The following CHAT variants were observed in gnomAD, a reference collection of about 807,000 sequenced individuals.
CHAT encodes the protein acetyl CoA:choline O-acetyltransferase.
Under a neutral mutation model 76.9 loss-of-function variants are expected in CHAT, and 61 were observed. That is an observed-to-expected ratio of 0.79 (90% confidence interval 0.65 to 0.98). The LOEUF (loss-of-function observed/expected upper bound fraction) is 0.98. Ranked by LOEUF, CHAT falls within the 50% of genes least tolerant of loss-of-function variation. CHAT has a pLI of 0.00. For missense variants in CHAT, 946 were observed against 986.9 expected, an observed-to-expected ratio of 0.96 and a Z score of 0.56; for synonymous variants, 407 against 397.4, an observed-to-expected ratio of 1.02 and a Z score of -0.29.
At chr10:49,610,751 C>T, upstream of CHAT, 2 of 1,525,100 alleles carry the variant, frequency 1.3e-6, no homozygotes, top group East Asian at 2.4e-5. Flanking sequence ...ATGGAATCCG[C>T]GGAACCTGCG....
chr10:49,653,882 G>T (rs1405652629), intron 11 of CHAT, among the ~76,000 whole-genome samples: 1 of 152,250 alleles, frequency 6.6e-6, no homozygotes, highest in Non-Finnish European at 1.5e-5. Context: ...AGCTGAGGGG[G>T]ACAGTGCAGC....
intron 12 of CHAT, 63 bp downstream of exon 12, chr10:49,655,299 T>G: frequency 6.2e-7 from 1 of 1,613,568 alleles, no homozygotes; most frequent in South Asian, 1.1e-5. Flanking sequence ...TGCCCTGGGT[T>G]GCAGTGGGCT....
At chr10:49,649,978 T>G (rs1262394924) in intron 10 of CHAT, among the ~76,000 whole-genome samples, 1 of 149,196 alleles carries the variant, frequency 6.7e-6, no homozygotes, top group Non-Finnish European at 1.5e-5. Context: ...TTTGAATAGG[T>G]CATTTGAATT....
At chr10:49,611,472 C>T, upstream of CHAT, 1 of 1,599,398 alleles carries the variant, frequency 6.3e-7, no homozygotes, top group South Asian at 1.1e-5. Context: ...AGCGCGTGCC[C>T]TTCTTGGTGC....
chr10:49,650,931 G>A (rs116750335), intron 10 of CHAT, among the ~76,000 whole-genome samples: 130 of 152,248 alleles, frequency 8.5e-4, no homozygotes, highest in African/African-American at 3.1e-3. Context: ...GTGGGCTGCT[G>A]AGTCCTCAGT....
intron 7 of CHAT, among the ~76,000 whole-genome samples, chr10:49,634,721 G>A (rs1319402499): frequency 6.6e-6 from 1 of 151,990 alleles, no homozygotes; most frequent in African/African-American, 2.4e-5. Context: ...TTTTGTTTTT[G>A]TTTTTGTTTT....
At chr10:49,635,720 A>T (rs571855536) in intron 7 of CHAT, among the ~76,000 whole-genome samples, 1 of 152,326 alleles carries the variant, frequency 6.6e-6, no homozygotes, top group South Asian at 2.1e-4. Flanking sequence ...ATTTGGCAAA[A>T]TTCAACAACC....
intron 1 of CHAT, among the ~76,000 whole-genome samples, chr10:49,615,341 A>C (rs1306046382): frequency 1.3e-5 from 2 of 152,320 alleles, no homozygotes; most frequent in Non-Finnish European, 2.9e-5. Context: ...AACCCACAGC[A>C]CTGGGAGGCG....
At chr10:49,615,397 G>A (rs910194382) in intron 1 of CHAT, among the ~76,000 whole-genome samples, 2 of 152,306 alleles carry the variant, frequency 1.3e-5, no homozygotes, top group Non-Finnish European at 2.9e-5. Flanking sequence ...GCCAGCAAGG[G>A]CTTTACATTC....
rs751100162 is a variant in CHAT at position 49,655,443 on chromosome 10, G to C, written c.1834G>C (p.Val612Leu). ...CATCCGTGCCCAGACTGCATACACAGTCATGGTGAGTGACGTCGCACCACC... is the reference window on the plus strand; with the variant it reads ...CATCCGTGCCCAGACTGCATACACACTCATGGTGAGTGACGTCGCACCACC... ...DAIRAQTAYT[V>L]MAITGMAIDN... is the part of the protein sequence containing the mutation. The change falls in exon 13 of 15, where the codon GTC becomes CTC. Residue 612 changes from valine (V) to leucine (L), a missense_variant. Val to Leu is a conservative substitution (Grantham distance 32). Transcript: ENST00000337653. 3.7e-6 allele frequency: 6 copies of C among 1,613,872 alleles called. No homozygotes were observed. The highest frequency in any genetic ancestry group is 5.1e-6 in the Non-Finnish European group (6 of 1,179,860).
chr10:49,648,128 G>C, intron 8 of CHAT: 1 of 333,602 alleles, frequency 3.0e-6, no homozygotes, highest in South Asian at 3.0e-5. Flanking sequence ...CAAGGCAAGA[G>C]ATTGGGAGGA....
chr10:49,612,181 G>C (rs144340824), upstream of CHAT: 6 of 1,609,870 alleles, frequency 3.7e-6, no homozygotes, highest in African/African-American at 2.7e-5. Context: ...CTCCCGTTCC[G>C]AGCGCGATGT....
upstream of CHAT, chr10:49,611,420 T>G (rs758934192): frequency 2.6e-5 from 41 of 1,597,724 alleles, no homozygotes; most frequent in Non-Finnish European, 3.2e-5. Flanking sequence ...GGAAGCCTAG[T>G]GGCCCCGCCC....
At chr10:49,663,195 A>C (rs968854910) in intron 14 of CHAT, among the ~76,000 whole-genome samples, 1 of 152,164 alleles carries the variant, frequency 6.6e-6, no homozygotes, top group Non-Finnish European at 1.5e-5. Context: ...GCACCACTGC[A>C]TTCCAGCCCA....
chr10:49,617,749 G>A (rs149115502), intron 2 of CHAT, among the ~76,000 whole-genome samples: 2 of 152,124 alleles, frequency 1.3e-5, no homozygotes, highest in African/African-American at 4.8e-5. Flanking sequence ...CCCCCCCACC[G>A]CAAGAGATGG....
chr10:49,635,877 A>G (rs1367695658), intron 7 of CHAT, among the ~76,000 whole-genome samples: 1 of 152,204 alleles, frequency 6.6e-6, no homozygotes, highest in South Asian at 2.1e-4. Flanking sequence ...ATAAGAGGAT[A>G]CCTACTCTTA....
chr10:49,646,726 AGT>A (rs1181296709), intron 8 of CHAT, 52 bp downstream of exon 8: 1 of 1,596,208 alleles, frequency 6.3e-7, no homozygotes, highest in Non-Finnish European at 8.6e-7. Flanking sequence ...CCAGCGAGAG[AGT>A]GAGTAGGCAA....
At chr10:49,654,544 G>A (rs1015086321) in intron 11 of CHAT, among the ~76,000 whole-genome samples, 2 of 152,266 alleles carry the variant, frequency 1.3e-5, no homozygotes, top group Admixed American at 6.5e-5. Context: ...AGCCACTGCT[G>A]CTCAGGACAC....
At chr10:49,610,300 CGGA>C (rs1838254842), upstream of CHAT, 1 of 163,846 alleles carries the variant, frequency 6.1e-6, no homozygotes, top group Non-Finnish European at 1.3e-5. Flanking sequence ...GAGGAGGCGG[CGGA>C]GGAGGCAAGA....
Sources: allele counts gnomAD v4.1 joint callset (sites outside exome capture counted in the v4.1 genomes callset), GRCh38; gene constraint gnomAD v4.1.1; transcripts MANE v1.5; gene names NCBI Gene and HGNC (gene_info 2026-07-23, HGNC 2026-07-21).